Variants in ZNF750 observed in about 807,000 individuals in gnomAD.
ZNF750 encodes the protein zinc finger protein 750.
In ZNF750, 10 loss-of-function variants were observed where a neutral mutation model predicts 31.6. That is an observed-to-expected ratio of 0.32 (90% CI 0.19 to 0.54). ZNF750 has a LOEUF of 0.54. ZNF750 is among the 20% of genes least tolerant of loss of function. The pLI, the probability that ZNF750 is intolerant of heterozygous loss-of-function variation, is 0.95. For synonymous variants in ZNF750, 400 were observed against 404.9 expected (o/e 0.99, Z 0.15); for missense variants, 914 against 934.9 (o/e 0.98, Z 0.29).
chr17:82,830,993 A>C, intron 2 of ZNF750, 26 bp downstream of exon 2: 1 of 1,613,864 alleles, frequency 6.2e-7, no homozygotes, highest in Non-Finnish European at 8.5e-7. Flanking sequence ...ATTCCCTTGG[A>C]GGTTTTGAAA....
chr17:82,836,347 G>C (rs1305183576), intron 1 of ZNF750, among the ~76,000 whole-genome samples: 1 of 152,200 alleles, frequency 6.6e-6, no homozygotes, highest in South Asian at 2.1e-4. Flanking sequence ...GATGTGTTAC[G>C]GCAGGGATCT....
chr17:82,832,049 A>T lies in ZNF750; in HGVS notation c.406T>A (p.Ser136Thr). The T allele has an allele frequency of 1.2e-6, 2 of 1,613,794 alleles. No individual in the cohort carries two copies. Among genetic ancestry groups the T allele is most frequent in the Non-Finnish European group, 1.7e-6 (2 of 1,179,736 alleles). The change falls in exon 2 of 3, where the codon TCA (serine) becomes ACA (threonine). Residue 136 changes from serine to threonine, a missense_variant. Ser to Thr is a moderately conservative substitution (Grantham distance 58, BLOSUM62 1). Coordinates refer to ENST00000269394, the MANE Select transcript of ZNF750 (RefSeq NM_024702.3). The surrounding 1 kb of genome is among the most constrained non-coding windows in gnomAD (Gnocchi z 4.9). ...TCCGGAGCTGGGCTCTTGCAGGGTG[A>T]TGCCCTGTGGAGGGCTGGCTTCTGT... is the stretch of plus-strand genomic sequence containing the variant. ...LGQKPALHRA[S>T]PCKSPAPEAA...
rs763970046 is a variant in ZNF750, at chr17:82,831,738, G to A, written c.717C>T (p.Ile239=). The A allele has an allele frequency of 8.1e-6, 13 of 1,614,058 alleles. No individual in the cohort carries two copies. The South Asian group carries it at 1.2e-4, about 15-fold the overall frequency. The change falls in exon 2 of 3, where the codon ATC becomes ATT. Residue 239 remains isoleucine (I), a synonymous_variant. Coordinates refer to ENST00000269394, the MANE Select transcript of ZNF750 (RefSeq NM_024702.3). The surrounding 1 kb of genome is among the most constrained non-coding windows in gnomAD (Gnocchi z 4.6). ...GAISPYMHPT[I]PEYPPHFYTE... The stretch of plus-strand genomic sequence containing the variant: ...TGTAAAAGTGAGGCGGGTACTCTGG[G>A]ATTGTGGGGTGCATGTAAGGGGAAA...
At position 82,829,621 on chromosome 17, in the gene ZNF750, C is replaced by T. The variant is rs1405982829; in HGVS notation, c.*521G>A. On this transcript the variant is annotated 3_prime_UTR_variant, in exon 3 of 3. Transcript: ENST00000269394. Reference sequence around the variant, plus strand: ...TGATAATACCTTCACCAGTAATGCACTTTCCCTAGTGGAAATAAATTATTT... The same window carrying T: ...TGATAATACCTTCACCAGTAATGCATTTTCCCTAGTGGAAATAAATTATTT... 1 of 162,444 alleles carries T rather than the reference C, an allele frequency of 6.2e-6. No homozygotes were observed. Among genetic ancestry groups the T allele is most frequent in the Non-Finnish European group, 1.4e-5 (1 of 73,572 alleles). The allele number at this position is 162,444 out of a possible 1,614,324, so 10.1% of individuals were successfully genotyped here. A position where few individuals can be genotyped will look rare whatever the true frequency, so the allele number is the denominator to read the frequency against.
Position 82,832,474 on chromosome 17 carries a change from A to C in ZNF750, c.-20T>G. 1 of 1,601,618 alleles carries C rather than the reference A, an allele frequency of 6.2e-7. No individual in the cohort carries two copies. Among genetic ancestry groups the C allele is most frequent in the Non-Finnish European group, 8.5e-7 (1 of 1,177,176 alleles). ...ACTCATTTTCCTCCTTATGCCTTGGACTCTGGCTGTCCAGGTGGCGTGATC... is the reference window on the plus strand; with the variant it reads ...ACTCATTTTCCTCCTTATGCCTTGGCCTCTGGCTGTCCAGGTGGCGTGATC... On this transcript the variant is annotated 5_prime_UTR_variant, in exon 2 of 3. Transcript: ENST00000269394. The surrounding 1 kb of genome is among the most constrained non-coding windows in gnomAD (Gnocchi z 4.9).
intron 1 of ZNF750, among the ~76,000 whole-genome samples, chr17:82,834,361 A>G (rs565031452): frequency 9.2e-5 from 14 of 152,344 alleles, no homozygotes; most frequent in Non-Finnish European, 1.6e-4. Flanking sequence ...GTGGAGGTGC[A>G]ATGGATCAAG....
intron 2 of ZNF750, 41 bp from the exon 3 acceptor site, chr17:82,830,918 G>A (rs749324501): frequency 6.2e-7 from 1 of 1,612,958 alleles, no homozygotes; most frequent in African/African-American, 1.3e-5. Flanking sequence ...AGCTTGCTTA[G>A]AAAAGCAACT....
rs1414706798 is a variant in ZNF750, at chr17:82,833,835, G to A, written c.-182-1199C>T. Among the ~76,000 whole-genome samples the A allele has an allele frequency of 6.6e-6, 1 of 152,208 alleles. No homozygotes were observed. Among genetic ancestry groups the A allele is most frequent in the Non-Finnish European group, 1.5e-5 (1 of 68,038 alleles). ...ACCCACCAGAGGCTGTGTGTGTGAT[G>A]TCAGAGCTGGCCTGCTCTTTTGGAT... On this transcript the variant is annotated intron_variant, in intron 1 of 2. Transcript: ENST00000269394. The surrounding 1 kb of genome is among the most constrained non-coding windows in gnomAD (Gnocchi z 4.7).
In ZNF750 at chr17:82,835,954, GGGTGACACCCT is replaced by G. The variant is rs1208353037; in HGVS notation, c.-182-3329_-182-3319del. Among the ~76,000 whole-genome samples the G allele has an allele frequency of 2.6e-5, 4 of 152,156 alleles. No homozygotes were observed. In the East Asian group the frequency reaches 7.7e-4, roughly 29 times the overall value. On this transcript the variant is annotated intron_variant, in intron 1 of 2. Transcript: ENST00000269394. The surrounding 1 kb of genome is among the most constrained non-coding windows in gnomAD (Gnocchi z 4.5). The stretch of plus-strand genomic sequence containing the variant: ...TTACCCTACAACCAGGGAGGGTGTC[GGGTGACACCCT>G]GGGCTCAGACCCCGCGCTCAGCACC...
Position 82,833,932 on chromosome 17 carries a change from G to A in ZNF750, c.-182-1296C>T, listed in dbSNP as rs984690321. On this transcript the variant is annotated intron_variant, in intron 1 of 2. Transcript: ENST00000269394. The surrounding 1 kb of genome is among the most constrained non-coding windows in gnomAD (Gnocchi z 4.7). ...TCAGAGGCTGTGCCGCACGCCCAAGGCTGAGAACAAAGGCTGTTTTTCTTT... is the reference window on the plus strand; with the variant it reads ...TCAGAGGCTGTGCCGCACGCCCAAGACTGAGAACAAAGGCTGTTTTTCTTT... Among the ~76,000 whole-genome samples, 1 of 151,584 alleles carries A rather than the reference G, an allele frequency of 6.6e-6. No homozygotes were observed. Among genetic ancestry groups the A allele is most frequent in the Non-Finnish European group, 1.5e-5 (1 of 67,916 alleles).
At chr17:82,838,106 G>C (rs967734175) in intron 1 of ZNF750, among the ~76,000 whole-genome samples, 3 of 152,232 alleles carry the variant, frequency 2.0e-5, no homozygotes, top group Non-Finnish European at 2.9e-5. Context: ...ACGTGCACTG[G>C]GCCGGGTGTT....
Position 82,833,225 on chromosome 17 carries a change from C to T in ZNF750, c.-182-589G>A, listed in dbSNP as rs927354176. On this transcript the variant is annotated intron_variant, in intron 1 of 2. Transcript: ENST00000269394. This position sits in a 1 kb window ranked among gnomAD's most constrained non-coding sequence, Gnocchi z 4.7. ...GCGTGGGCTGGCCACCGTCTACTTG[C>T]TCCTACCTGCTGGCTGGGAGCTCTC... Among the ~76,000 whole-genome samples the T allele has an allele frequency of 5.9e-5, 9 of 152,150 alleles. No individual in the cohort carries two copies. The highest frequency in any genetic ancestry group is 1.9e-4 in the African/African-American group (8 of 41,434).
Position 82,830,653 on chromosome 17 carries a change from G to A in ZNF750, c.1661C>T (p.Ser554Leu). ...SELQDLPLNLSVKDPCNTQAP... is the reference protein window; with the variant it reads ...SELQDLPLNLLVKDPCNTQAP... Reference sequence around the variant, plus strand: ...CTGGGTGTTACAGGGGTCCTTCACCGAGAGATTGAGTGGAAGGTCCTGCAG... The same window carrying A: ...CTGGGTGTTACAGGGGTCCTTCACCAAGAGATTGAGTGGAAGGTCCTGCAG... The change falls in exon 3 of 3, where the codon TCG (serine) becomes TTG (leucine). Residue 554 changes from serine to leucine, a missense_variant. By Grantham distance (145) the Ser-to-Leu change is moderately radical. This residue lies in a region of ZNF750 where 880 missense variants were observed against 868.9 expected (regional missense o/e 1.01). Coordinates refer to ENST00000269394, the MANE Select transcript of ZNF750 (RefSeq NM_024702.3). 8 of 1,614,008 alleles carry A rather than the reference G, an allele frequency of 5.0e-6. No homozygotes were observed. Among genetic ancestry groups the A allele is most frequent in the Non-Finnish European group, 5.1e-6 (6 of 1,179,942 alleles).
In ZNF750 at chr17:82,831,201, G is replaced by A. The variant is rs564314163; in HGVS notation, c.1254C>T (p.Thr418=). The stretch of plus-strand genomic sequence containing the variant: ...AGGTCTGGCTCGTCTGCATGAAGTC[G>A]GTGGGGCTCGGCCTCCCTGGGGAGC... ...ATGSPGRPSP[T]DFMQTSQTCE... is the part of the protein sequence containing the mutation. Residue 418 remains threonine (T), a synonymous_variant, in exon 2 of 3, where the codon ACC becomes ACT. Transcript: ENST00000269394. This position sits in a 1 kb window ranked among gnomAD's most constrained non-coding sequence, Gnocchi z 4.6. 3.7e-6 allele frequency: 6 copies of A among 1,614,104 alleles called. No homozygotes were observed. Among genetic ancestry groups the A allele is most frequent in the Admixed American group, 1.7e-5 (1 of 60,018 alleles).
At position 82,831,883 on chromosome 17, in the gene ZNF750, G is replaced by A; in HGVS notation, c.572C>T (p.Ala191Val). 1.9e-6 allele frequency: 3 copies of A among 1,614,232 alleles called. No homozygotes were observed. Among genetic ancestry groups the A allele is most frequent in the Middle Eastern group, 1.7e-4 (1 of 6,060 alleles). ...GGCCGACTTGGTGTGGAAAGACACG[G>A]CCTTGGCAGTGGGGTTGTGTAAAGC... Reference protein sequence around the residue: ...TLALHNPTAKAVSFHTKSAFH... With the variant: ...TLALHNPTAKVVSFHTKSAFH... Residue 191 changes from alanine (A) to valine (V), a missense_variant, in exon 2 of 3, where the codon GCC becomes GTC. Physicochemically the swap from Ala to Val is moderately conservative, Grantham distance 64 (BLOSUM62 0). Transcript: ENST00000269394. The surrounding 1 kb of genome is among the most constrained non-coding windows in gnomAD (Gnocchi z 4.6).
chr17:82,831,363 C>A lies in ZNF750; in HGVS notation c.1092G>T (p.Arg364Ser). 1 of 1,614,110 alleles carries A rather than the reference C, an allele frequency of 6.2e-7. No homozygotes were observed. Among genetic ancestry groups the A allele is most frequent in the East Asian group, 2.2e-5 (1 of 44,886 alleles). ...TTCTGTTGGGGTCCGAAGGGTTTAA[C>A]CTGGAAGGACTCGAGGCTGGATAGA... ...TLVYPASSPS[R>S]LNPSDPNRKH... The change falls in exon 2 of 3, where the codon AGG (arginine) becomes AGT (serine). Residue 364 changes from arginine (R) to serine (S), a missense_variant. By Grantham distance (110) the Arg-to-Ser change is moderately radical (BLOSUM62 -1). Around this residue, in one of 2 missense-constraint regions of ZNF750, gnomAD observed 880 missense variants for 868.9 expected, o/e 1.01. Coordinates refer to ENST00000269394, the MANE Select transcript of ZNF750 (RefSeq NM_024702.3). The surrounding 1 kb of genome is among the most constrained non-coding windows in gnomAD (Gnocchi z 4.6).
rs1241037757 is a variant in ZNF750 at position 82,833,748 on chromosome 17, C to T, written c.-182-1112G>A. On this transcript the variant is annotated intron_variant, in intron 1 of 2. Coordinates refer to ENST00000269394, the MANE Select transcript of ZNF750 (RefSeq NM_024702.3). This position sits in a 1 kb window ranked among gnomAD's most constrained non-coding sequence, Gnocchi z 4.7. ...TGGTTGGGTCATGGGAGGAAGCTGT[C>T]CTGGCCCTTAACCTTTAGGGAGTGG... is the stretch of plus-strand genomic sequence containing the variant. Among the ~76,000 whole-genome samples the T allele has an allele frequency of 6.6e-6, 1 of 152,160 alleles. No individual in the cohort carries two copies. The highest frequency in any genetic ancestry group is 2.4e-5 in the African/African-American group (1 of 41,444).
Position 82,831,150 on chromosome 17 carries a change from G to C in ZNF750, c.1305C>G (p.Asn435Lys), listed in dbSNP as rs138391103. The change falls in exon 2 of 3, where the codon AAC becomes AAG. Residue 435 changes from asparagine (N) to lysine (K), a missense_variant. This residue lies in a region of ZNF750 where 880 missense variants were observed against 868.9 expected (regional missense o/e 1.01). Transcript: ENST00000269394. This position sits in a 1 kb window ranked among gnomAD's most constrained non-coding sequence, Gnocchi z 4.6. ...TTCCCAGTGCGCTGGAGGCTGCCTTGTTGGAGAGGTCGTACAGGCCTTCGC... is the reference window on the plus strand; with the variant it reads ...TTCCCAGTGCGCTGGAGGCTGCCTTCTTGGAGAGGTCGTACAGGCCTTCGC... ...QTCEGLYDLSNKAASSALGRL... is the reference protein window; with the variant it reads ...QTCEGLYDLSKKAASSALGRL... 1,240 of 1,614,148 alleles carry C rather than the reference G, an allele frequency of 7.7e-4. 32 individuals are homozygous for C. In the East Asian group the frequency reaches 0.021, roughly 27 times the overall value.
In ZNF750 at chr17:82,831,910, A is replaced by C; in HGVS notation, c.545T>G (p.Leu182Arg). ...GPDNAEAPET[L>R]ALHNPTAKAV... ...CTTGGCAGTGGGGTTGTGTAAAGCC[A>C]GTGTCTCGGGCGCCTCGGCGTTGTC... Residue 182 changes from leucine to arginine, a missense_variant, in exon 2 of 3, where the codon CTG becomes CGG. This residue lies in a region of ZNF750 where 880 missense variants were observed against 868.9 expected (regional missense o/e 1.01). Transcript: ENST00000269394. This position sits in a 1 kb window ranked among gnomAD's most constrained non-coding sequence, Gnocchi z 4.6. 2 of 1,614,164 alleles carry C rather than the reference A, an allele frequency of 1.2e-6. No homozygotes were observed. Among genetic ancestry groups the C allele is most frequent in the Non-Finnish European group, 8.5e-7 (1 of 1,180,028 alleles).
Sources: allele counts gnomAD v4.1 joint callset (sites outside exome capture counted in the v4.1 genomes callset), GRCh38; gene constraint gnomAD v4.1.1; regional missense constraint gnomAD v4.1.1; non-coding constraint Gnocchi (gnomAD v3.1); transcripts MANE v1.5; gene names NCBI Gene and HGNC (gene_info 2026-07-23, HGNC 2026-07-21).